IMPA2: variants seen among roughly 807,000 people sequenced by gnomAD.
IMPA2 encodes inositol monophosphatase 2.
A neutral mutation model predicts 35.1 loss-of-function variants in IMPA2; 32 were observed. The observed-to-expected ratio is 0.91, with a 90% CI of 0.69 to 1.23. The LOEUF is 1.23. Ranked by LOEUF, IMPA2 falls within the 50% of genes most tolerant of loss-of-function variation. IMPA2 has a pLI of 0.00. For missense variants in IMPA2, 334 were observed against 387.6 expected, an observed-to-expected ratio of 0.86 and a Z score of 1.16; for synonymous variants, 135 against 160.6, an observed-to-expected ratio of 0.84 and a Z score of 1.20.
chr18:12,026,970 T>G (rs1447691397), intron 5 of IMPA2, among the ~76,000 whole-genome samples: 5 of 152,148 alleles, frequency 3.3e-5, no homozygotes, highest in Non-Finnish European at 7.4e-5. Flanking sequence ...AATGAGAGTT[T>G]CCATGGAAGA....
chr18:12,012,553 A>C (rs1371392080), intron 4 of IMPA2, among the ~76,000 whole-genome samples: 2 of 152,204 alleles, frequency 1.3e-5, no homozygotes, highest in African/African-American at 2.4e-5. Context: ...GTGATCTCAC[A>C]AACTAAAAGG....
chr18:11,992,011 T>G (rs1354209373), intron 1 of IMPA2, among the ~76,000 whole-genome samples: 1 of 152,090 alleles, frequency 6.6e-6, no homozygotes, highest in Admixed American at 6.5e-5. Context: ...ACCCACCTAA[T>G]TTTTGTATTT....
Position 12,026,784 on chromosome 18 carries a change from G to A in IMPA2, c.491-1259G>A, listed in dbSNP as rs557401258. On this transcript the variant is annotated intron_variant, in intron 5 of 7. Transcript: ENST00000269159. The stretch of plus-strand genomic sequence containing the variant: ...TTTGTCCCAGCTGTGGGTGGCAGCT[G>A]CAGGGCTCAGGTGGTATCTGTGGAG... 2.4e-3 allele frequency among the ~76,000 whole-genome samples: 370 copies of A among 152,336 alleles called. 2 individuals carry two copies. The highest frequency in any genetic ancestry group is 8.5e-3 in the African/African-American group (352 of 41,576).
intron 1 of IMPA2, 126 bp downstream of exon 1, chr18:11,981,891 G>C (rs943672894): frequency 7.6e-6 from 4 of 526,964 alleles, no homozygotes; most frequent in Middle Eastern, 5.6e-4. Context: ...CCGAGGGCGC[G>C]GGGCGCGGAG....
Position 12,028,833 on chromosome 18 carries a change from T to C in IMPA2, c.600-9T>C. 1 of 1,612,906 alleles carries C rather than the reference T, an allele frequency of 6.2e-7. No homozygotes were observed. The highest frequency in any genetic ancestry group is 8.5e-7 in the Non-Finnish European group (1 of 1,179,532). ...CCGCCTGCATCTGTCCTCCCTTCCC[T>C]CTCCCCAGGGTCCGAGTGATTGGAA... On this transcript the variant is annotated splice_polypyrimidine_tract_variant and intron_variant, in intron 6 of 7. Coordinates refer to ENST00000269159, the MANE Select transcript of IMPA2 (RefSeq NM_014214.3).
At chr18:12,027,945 C>G (rs1366368903) in intron 5 of IMPA2, 98 bp from the exon 6 acceptor site, 1 of 757,354 alleles carries the variant, frequency 1.3e-6, no homozygotes, top group Non-Finnish European at 2.3e-6. Flanking sequence ...AAAGATGATC[C>G]TTACTCTGAG....
chr18:12,000,590 A>G (rs1434185917), intron 2 of IMPA2, among the ~76,000 whole-genome samples: 1 of 146,890 alleles, frequency 6.8e-6, no homozygotes, highest in Non-Finnish European at 1.5e-5. Context: ...TGGTTACAGT[A>G]GTTATAGGGT....
chr18:11,983,303 T>C (rs1012096054), intron 1 of IMPA2, among the ~76,000 whole-genome samples: 1 of 152,236 alleles, frequency 6.6e-6, no homozygotes, highest in Admixed American at 6.5e-5. Flanking sequence ...CATCCTTCCC[T>C]GCCTCCCAGC....
Position 11,999,000 on chromosome 18 carries a change from G to C in IMPA2, c.97-54G>C, listed in dbSNP as rs1419732739. 2.0e-6 allele frequency: 3 copies of C among 1,465,498 alleles called. No homozygotes were observed. In the African/African-American group the frequency reaches 4.4e-5, roughly 22 times the overall value. 90.8% of individuals were successfully genotyped at this position (1,465,498 alleles called of 1,614,324 possible). On this transcript the variant is annotated intron_variant, in intron 1 of 7. Coordinates refer to ENST00000269159, the MANE Select transcript of IMPA2 (RefSeq NM_014214.3). The stretch of plus-strand genomic sequence containing the variant: ...ACTCGAAGGAGTGGATAATTCCTTT[G>C]CCTGGGAGGAGGATGTTTGCATGTT...
chr18:12,009,852 C>G, intron 2 of IMPA2, 31 bp from the exon 3 acceptor site: 1 of 1,551,108 alleles, frequency 6.4e-7, no homozygotes, highest in South Asian at 1.1e-5. Context: ...GTCCTTGGTG[C>G]ATTTTCTCAG....
chr18:12,018,672 A>G (rs190986236), intron 5 of IMPA2, among the ~76,000 whole-genome samples: 1 of 152,332 alleles, frequency 6.6e-6, no homozygotes, highest in East Asian at 1.9e-4. Flanking sequence ...GGAACTAATC[A>G]TATTTTCCAA....
intron 1 of IMPA2, among the ~76,000 whole-genome samples, chr18:11,998,735 G>A (rs586585): frequency 0.069 from 10,542 of 152,168 alleles, 1,185 homozygotes; most frequent in African/African-American, 0.24. Flanking sequence ...TCGAAGAGAA[G>A]TTGTTTCACA....
chr18:11,983,314 T>G (rs1160415754), intron 1 of IMPA2, among the ~76,000 whole-genome samples: 1 of 152,214 alleles, frequency 6.6e-6, no homozygotes, highest in African/African-American at 2.4e-5. Flanking sequence ...GCCTCCCAGC[T>G]TTCCTTCCAG....
chr18:11,993,073 AC>A (rs1906861147), intron 1 of IMPA2, among the ~76,000 whole-genome samples: 4 of 116,008 alleles, frequency 3.4e-5, no homozygotes, highest in Admixed American at 7.9e-5. Context: ...ACATGTTCTC[AC>A]AACTGATACT....
intron 2 of IMPA2, among the ~76,000 whole-genome samples, chr18:12,004,990 T>A (rs1291459077): frequency 6.6e-6 from 1 of 152,142 alleles, no homozygotes; most frequent in East Asian, 1.9e-4. Flanking sequence ...CCTACATGAG[T>A]AAAATCAGGT....
rs558922705 is a variant in IMPA2, at chr18:12,029,030, C to A, written c.751+37C>A. The stretch of plus-strand genomic sequence containing the variant: ...TGTCCCTGAAATGCAGCGGCAGAAA[C>A]TAGACTGAGAGACACTGTGGGTGGG... On this transcript the variant is annotated intron_variant, in intron 7 of 7. Coordinates refer to ENST00000269159, the MANE Select transcript of IMPA2 (RefSeq NM_014214.3). The A allele has an allele frequency of 3.3e-4, 524 of 1,595,714 alleles. 1 individual carries two copies. The South Asian group carries it at 5.6e-3, about 17-fold the overall frequency.
chr18:12,010,350 C>G lies in IMPA2; in HGVS notation c.335+363C>G, dbSNP rs994316712. 1.5e-5 allele frequency: 3 copies of G among 198,790 alleles called. No homozygotes were observed. Among genetic ancestry groups the G allele is most frequent in the East Asian group, 3.0e-4 (2 of 6,752 alleles). The allele number at this position is 198,790 out of a possible 1,614,324, so 12.3% of individuals were successfully genotyped here. ...AAGCCTGTGCTGCCCCACAGTGGCC[C>G]GGAGCCCAAGGTGTAGAGAGTGGCC... is the stretch of plus-strand genomic sequence containing the variant. On this transcript the variant is annotated intron_variant, in intron 3 of 7. Coordinates refer to ENST00000269159, the MANE Select transcript of IMPA2 (RefSeq NM_014214.3). This position sits in a 1 kb window ranked among gnomAD's most constrained non-coding sequence, Gnocchi z 4.8.
intron 2 of IMPA2, among the ~76,000 whole-genome samples, chr18:12,000,822 A>C (rs1907096335): frequency 6.6e-6 from 1 of 150,868 alleles, no homozygotes; most frequent in Non-Finnish European, 1.5e-5. Context: ...TCACCTTGTT[A>C]GTCAGGATGG....
intron 5 of IMPA2, 115 bp downstream of exon 5, chr18:12,014,488 T>C: frequency 1.6e-6 from 1 of 612,530 alleles, no homozygotes; most frequent in Non-Finnish European, 2.8e-6. Context: ...TGGTGTCATC[T>C]CTTTTTAGGG....
Sources: gnomAD v4.1 joint callset for allele counts (sites outside exome capture counted in the v4.1 genomes callset) on GRCh38, gnomAD v4.1.1 for gene constraint, Gnocchi (gnomAD v3.1) non-coding constraint, MANE v1.5 for transcripts, NCBI Gene and HGNC (gene_info 2026-07-23, HGNC 2026-07-21) for gene names.